The following SRRM4 variants were observed in gnomAD, a reference collection of about 807,000 sequenced individuals.
SRRM4 encodes serine/arginine repetitive matrix 4, also known as serine/arginine repetitive matrix protein 4.
SRRM4 carries 33 observed loss-of-function variants against 68.9 expected under a neutral mutation model. The ratio of observed to expected loss-of-function variants is 0.48; its 90% CI spans 0.36 to 0.64. The LOEUF (loss-of-function observed/expected upper bound fraction) is 0.64, where lower values mean the gene tolerates loss of function less well. Ranked by LOEUF, SRRM4 falls within the 30% of genes least tolerant of loss-of-function variation. The pLI is 0.00. For missense variants in SRRM4, 817 were observed against 827.1 expected (o/e 0.99, Z 0.15); for synonymous variants, 318 against 318.8 (o/e 1.00, Z 0.03).
chr12:119,008,852 T>C (rs1953431444), intron 1 of SRRM4, among the ~76,000 whole-genome samples: 1 of 151,946 alleles, frequency 6.6e-6, no homozygotes, highest in South Asian at 2.1e-4. Flanking sequence ...CCTCTAATCC[T>C]GCCTCTGCCT....
intron 1 of SRRM4, among the ~76,000 whole-genome samples, chr12:119,009,283 G>A (rs568483770): frequency 2.6e-5 from 4 of 152,216 alleles, no homozygotes; most frequent in African/African-American, 9.6e-5. Flanking sequence ...AGGAGAGTAG[G>A]GGAGAGAAAG....
At chr12:119,060,826 G>A (rs1953807218) in intron 1 of SRRM4, among the ~76,000 whole-genome samples, 3 of 152,060 alleles carry the variant, frequency 2.0e-5, no homozygotes, top group South Asian at 4.2e-4. Flanking sequence ...GCTCACGCCC[G>A]CTCTTATCAA....
At chr12:119,009,894 G>A (rs960566362) in intron 1 of SRRM4, among the ~76,000 whole-genome samples, 4 of 152,074 alleles carry the variant, frequency 2.6e-5, no homozygotes, top group East Asian at 1.9e-4. Context: ...TTCCCCCTTC[G>A]ACTCCTGCCA....
chr12:119,077,753 CA>C (rs894984635), intron 1 of SRRM4, among the ~76,000 whole-genome samples: 1 of 152,152 alleles, frequency 6.6e-6, no homozygotes, highest in African/African-American at 2.4e-5. Flanking sequence ...ATCTGGCACA[CA>C]GTAGCTATCC....
intron 1 of SRRM4, among the ~76,000 whole-genome samples, chr12:119,041,835 A>G (rs369595426): frequency 6.6e-6 from 1 of 152,158 alleles, no homozygotes; most frequent in Non-Finnish European, 1.5e-5. Context: ...GGTGATGAGC[A>G]TTCTCAGTGA....
chr12:119,060,424 A>G (rs143757118), intron 1 of SRRM4, among the ~76,000 whole-genome samples: 328 of 149,258 alleles, frequency 2.2e-3, no homozygotes, highest in Non-Finnish European at 3.6e-3. Context: ...CCACACATTT[A>G]TGTGACATGG....
intron 1 of SRRM4, among the ~76,000 whole-genome samples, chr12:118,995,405 A>C (rs541295248): frequency 3.3e-5 from 5 of 152,204 alleles, no homozygotes; most frequent in Non-Finnish European, 4.4e-5. Flanking sequence ...ACTTAGGAGC[A>C]CCATATGGAA....
At chr12:119,118,496 C>T (rs2136050621) in intron 4 of SRRM4, among the ~76,000 whole-genome samples, 1 of 152,352 alleles carries the variant, frequency 6.6e-6, no homozygotes, top group South Asian at 2.1e-4. Context: ...TTGGCTCTCA[C>T]TGGTTATGTC....
In SRRM4 at chr12:118,981,905, A is replaced by G; in HGVS notation, c.23A>G (p.Glu8Gly). 1.2e-6 allele frequency: 2 copies of G among 1,613,642 alleles called. No individual in the cohort carries two copies. Among genetic ancestry groups the G allele is most frequent in the Non-Finnish European group, 1.7e-6 (2 of 1,179,786 alleles). ...GCGATGGCGAGCGTTCAGCAAGGCG[A>G]GAAGCAGCTTTTTGAGAAGTTCTGG... Reference protein sequence around the residue: MASVQQGEKQLFEKFWRG... With the variant: MASVQQGGKQLFEKFWRG... The change falls in exon 1 of 13, where the codon GAG (glutamate) becomes GGG (glycine). Residue 8 changes from glutamate to glycine, a missense_variant. By Grantham distance (98) the Glu-to-Gly change is moderately conservative. Coordinates refer to ENST00000267260, the MANE Select transcript of SRRM4 (RefSeq NM_194286.4).
chr12:119,145,336 T>C (rs998061547), intron 8 of SRRM4, 45 bp from the exon 9 acceptor site: 7 of 1,534,948 alleles, frequency 4.6e-6, no homozygotes, highest in Non-Finnish European at 4.4e-6. Context: ...AAACAGCCCA[T>C]GGGCCCAGCG....
At chr12:119,134,103 A>G (rs1954313627) in intron 8 of SRRM4, among the ~76,000 whole-genome samples, 2 of 152,192 alleles carry the variant, frequency 1.3e-5, no homozygotes, top group African/African-American at 4.8e-5. Context: ...AGGATTTTCT[A>G]TGCCATATTT....
chr12:119,082,563 G>T (rs1436734544), intron 1 of SRRM4, among the ~76,000 whole-genome samples: 1 of 152,178 alleles, frequency 6.6e-6, no homozygotes, highest in African/African-American at 2.4e-5. Context: ...TTTGAATGCT[G>T]AGCCAAGCCA....
intron 7 of SRRM4, among the ~76,000 whole-genome samples, chr12:119,129,772 G>A (rs1364576725): frequency 6.6e-6 from 1 of 152,246 alleles, no homozygotes; most frequent in Non-Finnish European, 1.5e-5. Context: ...TAGATGGATG[G>A]ATAGGTGGAT....
chr12:118,997,970 CACTA>C (rs1953359815), intron 1 of SRRM4, among the ~76,000 whole-genome samples: 2 of 152,148 alleles, frequency 1.3e-5, no homozygotes, highest in Admixed American at 6.5e-5. Context: ...CCTACTGACA[CACTA>C]ACTGTGTGGA....
intron 9 of SRRM4, among the ~76,000 whole-genome samples, chr12:119,147,813 C>G (rs913042659): frequency 1.3e-5 from 2 of 152,150 alleles, no homozygotes; most frequent in African/African-American, 4.8e-5. Flanking sequence ...CTTCGTCATC[C>G]GCTTAACTCT....
At chr12:119,023,976 C>G (rs1393276040) in intron 1 of SRRM4, among the ~76,000 whole-genome samples, 1 of 151,924 alleles carries the variant, frequency 6.6e-6, no homozygotes. Flanking sequence ...AGATGAGACC[C>G]TTCCTGTAAT....
At chr12:119,055,697 G>A (rs1451528983) in intron 1 of SRRM4, among the ~76,000 whole-genome samples, 1 of 152,252 alleles carries the variant, frequency 6.6e-6, no homozygotes, top group Non-Finnish European at 1.5e-5. Context: ...ACACAGGACA[G>A]TTAGCTCTGG....
chr12:119,086,127 A>T (rs1329695677), intron 1 of SRRM4, among the ~76,000 whole-genome samples: 2 of 152,086 alleles, frequency 1.3e-5, no homozygotes, highest in Non-Finnish European at 2.9e-5. Context: ...TTACAGGGCC[A>T]CCCTCAACGT....
At chr12:119,038,235 C>G (rs1594038168) in intron 1 of SRRM4, among the ~76,000 whole-genome samples, 1 of 145,586 alleles carries the variant, frequency 6.9e-6, no homozygotes, top group African/African-American at 2.5e-5. Flanking sequence ...GACAGAGTCT[C>G]TCTCTGTCGC....
Sources: gnomAD v4.1 joint callset for allele counts (sites outside exome capture counted in the v4.1 genomes callset) on GRCh38, gnomAD v4.1.1 for gene constraint, MANE v1.5 for transcripts, NCBI Gene and HGNC (gene_info 2026-07-23, HGNC 2026-07-21) for gene names.